The following FAP variants were observed in gnomAD, a reference collection of about 807,000 sequenced individuals.
The protein encoded by FAP is prolyl endopeptidase FAP.
FAP carries 110 observed loss-of-function variants against 126.5 expected under a neutral mutation model. The ratio of observed to expected loss-of-function variants is 0.87; its 90% CI spans 0.74 to 1.02. The LOEUF (loss-of-function observed/expected upper bound fraction) is 1.02, where lower values mean the gene tolerates loss of function less well. FAP is among the 50% of genes least tolerant of loss of function. The pLI is 0.00. For missense variants in FAP, 919 were observed against 909.2 expected, an observed-to-expected ratio of 1.01 and a Z score of -0.14; for synonymous variants, 334 against 297.3, an observed-to-expected ratio of 1.12 and a Z score of -1.27.
chr2:162,216,085 T>G, intron 9 of FAP, 84 bp from the exon 10 acceptor site: 1 of 977,410 alleles, frequency 1.0e-6, no homozygotes, highest in Non-Finnish European at 1.6e-6. Flanking sequence ...TTTAGATATA[T>G]TTTTCTAAGC....
At chr2:162,174,240 A>G (rs1159538835) in intron 22 of FAP, among the ~76,000 whole-genome samples, 1 of 152,094 alleles carries the variant, frequency 6.6e-6, no homozygotes, top group Non-Finnish European at 1.5e-5. Context: ...AGATGCACAC[A>G]CTTTTTTTCT....
intron 2 of FAP, among the ~76,000 whole-genome samples, chr2:162,228,396 C>T (rs999091378): frequency 1.3e-5 from 2 of 152,080 alleles, no homozygotes; most frequent in African/African-American, 2.4e-5. Flanking sequence ...TTAAGTTCTG[C>T]TATGTATGTA....
In FAP at chr2:162,232,977, A is replaced by G. The variant is rs186647327; in HGVS notation, c.92-6356T>C. Among the ~76,000 whole-genome samples, 15 of 152,190 alleles carry G rather than the reference A, an allele frequency of 9.9e-5. 1 individual carries two copies. In the East Asian group the frequency reaches 2.9e-3, roughly 29 times the overall value. On this transcript the variant is annotated intron_variant, in intron 2 of 25. Coordinates refer to ENST00000188790, the MANE Select transcript of FAP (RefSeq NM_004460.5). ...TTGGCATGGCTGTTACTGCTTCTAC[A>G]TGGGGCTGGAGGAAGAGCAACTTTC...
In FAP at chr2:162,243,384, A is replaced by G. The variant is rs199959476; in HGVS notation, c.-57T>C. On this transcript the variant is annotated 5_prime_UTR_variant, in exon 1 of 26. Coordinates refer to ENST00000188790, the MANE Select transcript of FAP (RefSeq NM_004460.5). ...CTGTCTTCAGAGCGTGGGTCACTGGATCTGTGAAAACCGTTGAAAAGGACC... is the reference window on the plus strand; with the variant it reads ...CTGTCTTCAGAGCGTGGGTCACTGGGTCTGTGAAAACCGTTGAAAAGGACC... 5.8e-5 allele frequency: 92 copies of G among 1,592,980 alleles called. No homozygotes were observed. Among genetic ancestry groups the G allele is most frequent in the Non-Finnish European group, 7.8e-5 (91 of 1,172,590 alleles).
At chr2:162,199,213 T>C (rs762892863) in intron 15 of FAP, among the ~76,000 whole-genome samples, 10 of 152,198 alleles carry the variant, frequency 6.6e-5, no homozygotes, top group Non-Finnish European at 1.2e-4. Context: ...TGGGAATGCA[T>C]AGTTCTTCGT....
chr2:162,174,753 C>T (rs1687428154), intron 22 of FAP, 114 bp downstream of exon 22: 3 of 616,408 alleles, frequency 4.9e-6, no homozygotes, highest in South Asian at 2.0e-5. Context: ...ATTATATTTT[C>T]CCCAGTGATG....
At chr2:162,231,770 T>C (rs910559085) in intron 2 of FAP, among the ~76,000 whole-genome samples, 4 of 152,218 alleles carry the variant, frequency 2.6e-5, no homozygotes, top group African/African-American at 9.6e-5. Context: ...CATTTGATTG[T>C]CTAGTACTGA....
Position 162,173,133 on chromosome 2 carries a change from C to T in FAP, c.2107+16G>A, listed in dbSNP as rs781258574. The T allele has an allele frequency of 1.9e-6, 3 of 1,606,488 alleles. No individual in the cohort carries two copies. The highest frequency in any genetic ancestry group is 2.6e-6 in the Non-Finnish European group (3 of 1,173,230). ...GCTCAGTATTTTTATGTGTAAGAGT[C>T]TTGCTTAAACCTCACCATCTGCTGT... is the stretch of plus-strand genomic sequence containing the variant. On this transcript the variant is annotated intron_variant, in intron 24 of 25. Transcript: ENST00000188790.
intron 12 of FAP, among the ~76,000 whole-genome samples, chr2:162,205,101 G>C (rs1688653304): frequency 6.6e-6 from 1 of 152,166 alleles, no homozygotes; most frequent in Non-Finnish European, 1.5e-5. Context: ...AAAGGTGGCT[G>C]CTCACATTGC....
chr2:162,183,186 T>G (rs1346164481), intron 21 of FAP, among the ~76,000 whole-genome samples: 1 of 152,126 alleles, frequency 6.6e-6, no homozygotes, highest in Admixed American at 6.6e-5. Context: ...AGTAAAAATA[T>G]GTCAATTATG....
At chr2:162,192,054 G>T (rs953131973) in intron 17 of FAP, among the ~76,000 whole-genome samples, 1 of 151,908 alleles carries the variant, frequency 6.6e-6, no homozygotes, top group Non-Finnish European at 1.5e-5. Context: ...TTTTTCTGCT[G>T]ATTTCCTCTA....
chr2:162,242,100 C>T (rs1331675916), intron 2 of FAP, among the ~76,000 whole-genome samples: 1 of 152,082 alleles, frequency 6.6e-6, no homozygotes, highest in Non-Finnish European at 1.5e-5. Context: ...TTTCCCCTTT[C>T]CTAGACACAA....
intron 10 of FAP, 127 bp downstream of exon 10, chr2:162,215,771 T>C: frequency 1.6e-6 from 1 of 637,930 alleles, no homozygotes; most frequent in Non-Finnish European, 2.7e-6. Flanking sequence ...TTTGTCAATT[T>C]TAATTTTGTA....
chr2:162,171,286 A>T (rs1687296161), intron 25 of FAP: 1 of 479,060 alleles, frequency 2.1e-6, no homozygotes, highest in African/African-American at 1.9e-5. Flanking sequence ...CACATGCTTT[A>T]AACATATTTT....
In FAP at chr2:162,204,396, C is replaced by T. The variant is rs540200452; in HGVS notation, c.1048-1251G>A. ...TCCACGTGGAGCCACAGAATGTGACCCTTTTGGAAATGGGGTCTTCGCAGA... is the reference window on the plus strand; with the variant it reads ...TCCACGTGGAGCCACAGAATGTGACTCTTTTGGAAATGGGGTCTTCGCAGA... On this transcript the variant is annotated intron_variant, in intron 12 of 25. Transcript: ENST00000188790. 1.1e-4 allele frequency among the ~76,000 whole-genome samples: 17 copies of T among 152,074 alleles called. No homozygotes were observed. In the East Asian group the frequency reaches 2.9e-3, roughly 26 times the overall value.
intron 10 of FAP, among the ~76,000 whole-genome samples, chr2:162,214,763 A>G (rs887510412): frequency 7.2e-5 from 11 of 152,012 alleles, no homozygotes; most frequent in African/African-American, 2.2e-4. Flanking sequence ...TCCTGGCTTT[A>G]TGTCCTAATA....
chr2:162,222,695 T>A (rs976669271), intron 6 of FAP, among the ~76,000 whole-genome samples: 45 of 152,208 alleles, frequency 3.0e-4, no homozygotes, highest in African/African-American at 1.0e-3. Flanking sequence ...AATCTGATCA[T>A]GTCATTTTCC....
chr2:162,172,696 C>A, intron 25 of FAP, 115 bp downstream of exon 25: 1 of 697,768 alleles, frequency 1.4e-6, no homozygotes. Flanking sequence ...CCTACTCTAT[C>A]CTGCAGCCTC....
At chr2:162,241,895 A>G (rs1334365043) in intron 2 of FAP, among the ~76,000 whole-genome samples, 10 of 152,168 alleles carry the variant, frequency 6.6e-5, no homozygotes. Context: ...AATTCTGTGA[A>G]AATCTCATGA....
Sources: gnomAD v4.1 joint callset for allele counts (sites outside exome capture counted in the v4.1 genomes callset) on GRCh38, gnomAD v4.1.1 for gene constraint, MANE v1.5 for transcripts, NCBI Gene and HGNC (gene_info 2026-07-23, HGNC 2026-07-21) for gene names.